CDH13: variants seen among roughly 807,000 people sequenced by gnomAD.
The protein encoded by CDH13 is cadherin-13.
In CDH13, 24 loss-of-function variants were observed where a neutral mutation model predicts 63.8. That is an observed-to-expected ratio of 0.38 (90% CI 0.27 to 0.53). CDH13 has a LOEUF of 0.53. CDH13 is among the 20% of genes least tolerant of loss of function. The pLI is 0.85. For missense variants in CDH13, 1,049 were observed against 903.1 expected (o/e 1.16, Z -2.07); for synonymous variants, 503 against 355.3 (o/e 1.42, Z -4.67).
chr16:83,021,288 C>T (rs1915323306), intron 2 of CDH13, among the ~76,000 whole-genome samples: 1 of 152,186 alleles, frequency 6.6e-6, no homozygotes, highest in Non-Finnish European at 1.5e-5. Context: ...TGAGTATGTA[C>T]TGTGTCAAGC....
intron 1 of CDH13, among the ~76,000 whole-genome samples, chr16:82,752,845 T>C (rs2034471738): frequency 6.6e-6 from 1 of 152,222 alleles, no homozygotes; most frequent in African/African-American, 2.4e-5. Context: ...TATCATAGAA[T>C]GTGGCACTGG....
At chr16:83,385,476 G>A (rs1441053745) in intron 6 of CDH13, among the ~76,000 whole-genome samples, 1 of 152,156 alleles carries the variant, frequency 6.6e-6, no homozygotes, top group African/African-American at 2.4e-5. Flanking sequence ...CAGCTATGCT[G>A]TAGTAACAAG....
chr16:83,708,452 C>T (rs1907483369), intron 10 of CDH13, among the ~76,000 whole-genome samples: 1 of 152,186 alleles, frequency 6.6e-6, no homozygotes, highest in African/African-American at 2.4e-5. Context: ...CCTTGGCTTA[C>T]TCACCCCTCA....
chr16:83,183,455 A>G (rs2038411719), intron 4 of CDH13, among the ~76,000 whole-genome samples: 1 of 152,208 alleles, frequency 6.6e-6, no homozygotes, highest in Non-Finnish European at 1.5e-5. Flanking sequence ...TAAATCTGTG[A>G]GTTATATGCT....
chr16:83,377,934 G>T (rs1179869835), intron 6 of CDH13, among the ~76,000 whole-genome samples: 1 of 152,194 alleles, frequency 6.6e-6, no homozygotes, highest in Admixed American at 6.5e-5. Context: ...CTGGAAAGAA[G>T]CAGACCATTG....
At chr16:83,789,337 C>CTTTTTTTTTTTTTTTTTTTTTTT (rs148503283) in intron 13 of CDH13, among the ~76,000 whole-genome samples, 1 of 132,288 alleles carries the variant, frequency 7.6e-6, no homozygotes. Context: ...TAGTAGCTTT[C>CTTTTTTTTTTTTTTTTTTTTTTT]TTTTTTTTTG....
chr16:83,646,715 AC>A, intron 8 of CDH13, among the ~76,000 whole-genome samples: 2 of 110,226 alleles, frequency 1.8e-5, no homozygotes, highest in South Asian at 5.8e-4. Context: ...AAAAAAAAAC[AC>A]ACACACACAC....
intron 1 of CDH13, chr16:82,825,898 G>T (rs2038225632): frequency 6.6e-6 from 1 of 151,898 alleles, no homozygotes; most frequent in Non-Finnish European, 1.5e-5. Context: ...TCTGACACCA[G>T]GCTGGAGTGC....
At chr16:82,967,169 G>A (rs1053523630) in intron 2 of CDH13, among the ~76,000 whole-genome samples, 1 of 152,102 alleles carries the variant, frequency 6.6e-6, no homozygotes, top group African/African-American at 2.4e-5. Flanking sequence ...GAAAGTACAA[G>A]CAAGGAACTT....
rs138925268 is a variant in CDH13, at chr16:83,019,979, T to A, written c.158-12031T>A. On this transcript the variant is annotated intron_variant, in intron 2 of 13. Coordinates refer to ENST00000567109, the MANE Select transcript of CDH13 (RefSeq NM_001257.5). Reference sequence around the variant, plus strand: ...TTTTATGACTGAAAGTGCTATAGGTTTGTTTACACCAGCATCACCACAAAC... The same window carrying A: ...TTTTATGACTGAAAGTGCTATAGGTATGTTTACACCAGCATCACCACAAAC... Among the ~76,000 whole-genome samples, 644 of 152,278 alleles carry A rather than the reference T, an allele frequency of 4.2e-3. 21 individuals are homozygous for A. Among genetic ancestry groups the A allele is most frequent in the Admixed American group, 0.039 (603 of 15,276 alleles).
Position 83,049,325 on chromosome 16 carries a change from C to CTT in CDH13, c.366+17127_366+17128dup, listed in dbSNP as rs34082309. Among the ~76,000 whole-genome samples the CTT allele has an allele frequency of 3.0e-3, 374 of 126,048 alleles. 14 individuals carry two copies. The highest frequency in any genetic ancestry group is 9.3e-3 in the African/African-American group (304 of 32,716). The allele number at this position is 126,048 out of a possible 152,430, so 82.7% of individuals were successfully genotyped here. A position where few individuals can be genotyped will look rare whatever the true frequency, so the allele number is the denominator to read the frequency against. On this transcript the variant is annotated intron_variant, in intron 3 of 13. Transcript: ENST00000567109. ...ATACTTGGGCATTTATGACTGGCCT[C>CTT]TTTTTTTTTTTTTTTTTTTTTGAGA...
chr16:82,639,610 G>A (rs1191354561), intron 1 of CDH13: 1 of 619,660 alleles, frequency 1.6e-6, no homozygotes, highest in South Asian at 1.9e-5. Flanking sequence ...GAAATATACA[G>A]TCTGTAGCTA....
intron 1 of CDH13, among the ~76,000 whole-genome samples, chr16:82,654,919 C>T (rs183355417): frequency 6.6e-6 from 1 of 152,130 alleles, no homozygotes; most frequent in African/African-American, 2.4e-5. Context: ...TGACTAGATC[C>T]ATTATACAGG....
intron 2 of CDH13, among the ~76,000 whole-genome samples, chr16:82,982,152 A>G (rs1230620228): frequency 6.6e-6 from 1 of 152,212 alleles, no homozygotes; most frequent in Non-Finnish European, 1.5e-5. Flanking sequence ...CAACTATAAA[A>G]TGGAGATAAT....
intron 7 of CDH13, among the ~76,000 whole-genome samples, chr16:83,563,471 T>A (rs1421620207): frequency 6.6e-6 from 1 of 152,214 alleles, no homozygotes; most frequent in East Asian, 1.9e-4. Context: ...AGCAAATGCA[T>A]TAATTTGGTT....
intron 2 of CDH13, among the ~76,000 whole-genome samples, chr16:83,011,151 G>C (rs1914112864): frequency 6.6e-6 from 1 of 152,066 alleles, no homozygotes; most frequent in South Asian, 2.1e-4. Flanking sequence ...AGTAGTAAGG[G>C]GTGTGAGCTT....
At chr16:82,631,599 G>A (rs117643644) in intron 1 of CDH13, among the ~76,000 whole-genome samples, 20 of 152,294 alleles carry the variant, frequency 1.3e-4, no homozygotes, top group East Asian at 3.9e-4. Context: ...CCCACAGCCC[G>A]CTTCTTCTGC....
intron 11 of CDH13, among the ~76,000 whole-genome samples, chr16:83,765,765 G>T (rs542906657): frequency 6.7e-6 from 1 of 149,988 alleles, no homozygotes; most frequent in African/African-American, 2.4e-5. Context: ...AAGACTCCTG[G>T]TTCACTTACA....
chr16:83,026,126 G>A (rs187260436), intron 2 of CDH13, among the ~76,000 whole-genome samples: 167 of 152,312 alleles, frequency 1.1e-3, no homozygotes, highest in African/African-American at 3.5e-3. Context: ...ATTGAGTGCC[G>A]GTGATGTGCC....
Sources: gnomAD v4.1 joint callset for allele counts (sites outside exome capture counted in the v4.1 genomes callset) on GRCh38, gnomAD v4.1.1 for gene constraint, MANE v1.5 for transcripts, NCBI Gene and HGNC (gene_info 2026-07-23, HGNC 2026-07-21) for gene names.